The following DUS2 variants were observed in gnomAD, a reference collection of about 807,000 sequenced individuals.
The protein encoded by DUS2 is tRNA-dihydrouridine(20) synthase [NAD(P)+]-like.
DUS2 carries 52 observed loss-of-function variants against 71.3 expected under a neutral mutation model. The observed-to-expected ratio is 0.73, with a 90% CI of 0.58 to 0.92. The LOEUF is 0.92. Ranked by LOEUF, DUS2 falls within the 40% of genes least tolerant of loss-of-function variation. The probability of loss-of-function intolerance (pLI) is 0.00; values close to 1 mark genes in which losing one functional copy is unlikely to be tolerated. For synonymous variants in DUS2, 204 were observed against 227.8 expected, an observed-to-expected ratio of 0.90 and a Z score of 0.94; for missense variants, 558 against 622.6, an observed-to-expected ratio of 0.90 and a Z score of 1.10.
At chr16:68,036,252 C>A (rs2033525851) in intron 2 of DUS2, among the ~76,000 whole-genome samples, 1 of 151,688 alleles carries the variant, frequency 6.6e-6, no homozygotes, top group Non-Finnish European at 1.5e-5. Context: ...TCTTCCGCCT[C>A]CTGGGTTCAA....
chr16:68,077,155 G>A (rs779274926), intron 15 of DUS2, among the ~76,000 whole-genome samples: 1 of 151,796 alleles, frequency 6.6e-6, no homozygotes, highest in Non-Finnish European at 1.5e-5. Flanking sequence ...TTGGGAGGCT[G>A]AGGCAGAGAA....
chr16:68,057,256 A>G (rs993378292), intron 7 of DUS2, among the ~76,000 whole-genome samples: 1 of 145,432 alleles, frequency 6.9e-6, no homozygotes, highest in Non-Finnish European at 1.5e-5. Context: ...ATAGAGAGAG[A>G]GAGAGAAAGA....
intron 8 of DUS2, among the ~76,000 whole-genome samples, chr16:68,062,644 G>A (rs1483371107): frequency 2.0e-5 from 3 of 151,054 alleles, no homozygotes; most frequent in East Asian, 2.0e-4. Flanking sequence ...GCATAAACCC[G>A]GGAGGCAGAG....
intron 4 of DUS2, among the ~76,000 whole-genome samples, chr16:68,052,850 G>C (rs2033797825): frequency 6.6e-6 from 1 of 151,744 alleles, no homozygotes; most frequent in African/African-American, 2.4e-5. Flanking sequence ...GCCATGTTGT[G>C]TAGGCTGGTT....
chr16:68,035,172 A>G (rs1044415520), intron 2 of DUS2, among the ~76,000 whole-genome samples: 2 of 152,030 alleles, frequency 1.3e-5, no homozygotes, highest in African/African-American at 4.8e-5. Context: ...ATCATCTTTC[A>G]TGTTGATTAC....
At chr16:68,057,103 C>A (rs1448094985) in intron 7 of DUS2, among the ~76,000 whole-genome samples, 1 of 131,838 alleles carries the variant, frequency 7.6e-6, no homozygotes. Flanking sequence ...TTATAGATTA[C>A]ATATATTATA....
In DUS2 at chr16:68,078,743, G is replaced by A. The variant is rs2034194743; in HGVS notation, c.1245-6G>A. On this transcript the variant is annotated splice_polypyrimidine_tract_variant and splice_region_variant and intron_variant, in intron 16 of 16. Coordinates refer to ENST00000565263, the MANE Select transcript of DUS2 (RefSeq NM_017803.5). ...CCCCTCACCTTATTGCCCTCTGTCT[G>A]CTCAGGGACAAGTCCAAGAAACTGG... The A allele has an allele frequency of 1.9e-6, 3 of 1,602,742 alleles. No homozygotes were observed. Among genetic ancestry groups the A allele is most frequent in the Non-Finnish European group, 2.6e-6 (3 of 1,172,052 alleles).
At chr16:68,064,784 A>C (rs1224555359) in intron 8 of DUS2, among the ~76,000 whole-genome samples, 1 of 152,226 alleles carries the variant, frequency 6.6e-6, no homozygotes, top group Non-Finnish European at 1.5e-5. Context: ...TGTCTTGCTC[A>C]TGAACTGTCT....
In DUS2 at chr16:68,071,556, C is replaced by T. The variant is rs556042343; in HGVS notation, c.810+448C>T. ...TTGAGAAATTTCTCACCTGATTTGACTCATCAGTCGAAATAATTTCTAAAA... is the reference window on the plus strand; with the variant it reads ...TTGAGAAATTTCTCACCTGATTTGATTCATCAGTCGAAATAATTTCTAAAA... On this transcript the variant is annotated intron_variant, in intron 12 of 16. Transcript: ENST00000565263. Among the ~76,000 whole-genome samples, 6 of 152,230 alleles carry T rather than the reference C, an allele frequency of 3.9e-5. No individual in the cohort carries two copies. In the South Asian group the frequency reaches 1.0e-3, roughly 26 times the overall value.
Position 68,079,127 on chromosome 16 carries a change from T to A in DUS2, c.*141T>A. 1.2e-6 allele frequency: 1 copy of A among 804,252 alleles called. No homozygotes were observed. Among genetic ancestry groups the A allele is most frequent in the Non-Finnish European group, 1.9e-6 (1 of 536,082 alleles). The allele number at this position is 804,252 out of a possible 1,614,324, so 49.8% of individuals were successfully genotyped here. A position where few individuals can be genotyped will look rare whatever the true frequency, so the allele number is the denominator to read the frequency against. On this transcript the variant is annotated 3_prime_UTR_variant, in exon 17 of 17. Transcript: ENST00000565263. ...GATGTCCTGGCAGGGGCCATCAGCCTAGAGCATGGACCAGGGGCCGCCCAG... is the reference window on the plus strand; with the variant it reads ...GATGTCCTGGCAGGGGCCATCAGCCAAGAGCATGGACCAGGGGCCGCCCAG...
intron 3 of DUS2, 72 bp from the exon 4 acceptor site, chr16:68,049,433 G>A (rs1271160648): frequency 3.3e-6 from 5 of 1,499,994 alleles, no homozygotes; most frequent in Non-Finnish European, 4.6e-6. Flanking sequence ...CTCATTAGGT[G>A]TGTGATGAAA....
intron 8 of DUS2, among the ~76,000 whole-genome samples, chr16:68,065,544 T>C (rs565561550): frequency 1.1e-4 from 17 of 152,150 alleles, no homozygotes; most frequent in Middle Eastern, 3.4e-3. Flanking sequence ...AGTGGGAGGA[T>C]GGCTTGAGCT....
At chr16:68,023,832 TTTCC>T (rs1474960234) in intron 1 of DUS2, 1 of 167,030 alleles carries the variant, frequency 6.0e-6, no homozygotes, top group Non-Finnish European at 1.5e-5. Context: ...TCACAGTTAT[TTTCC>T]TTCCTTTTAA....
At chr16:68,049,445 T>C in intron 3 of DUS2, 60 bp from the exon 4 acceptor site, 1 of 1,576,634 alleles carries the variant, frequency 6.3e-7, no homozygotes, top group Non-Finnish European at 8.7e-7. Context: ...GTGATGAAAA[T>C]CCTTCATGCC....
In DUS2 at chr16:68,076,656, C is replaced by T. The variant is rs146283526; in HGVS notation, c.1107C>T (p.Thr369=). The T allele has an allele frequency of 5.1e-4, 826 of 1,614,084 alleles. 11 individuals carry two copies. In the African/African-American group the frequency reaches 9.8e-3, roughly 19 times the overall value. ...FDRRAYPAQI[T]PKMCLLEWCR... ...GGAGAGCATACCCAGCCCAGATCAC[C>T]CCTAAGATGTGCCTACTAGAGTGGT... Residue 369 remains threonine, a synonymous_variant, in exon 15 of 17, where the codon ACC becomes ACT. Coordinates refer to ENST00000565263, the MANE Select transcript of DUS2 (RefSeq NM_017803.5).
chr16:68,029,243 C>T (rs751679964), intron 2 of DUS2, among the ~76,000 whole-genome samples: 64 of 151,408 alleles, frequency 4.2e-4, no homozygotes, highest in Admixed American at 9.2e-4. Context: ...CTCCTCAAAT[C>T]TAACAAATCA....
intron 8 of DUS2, among the ~76,000 whole-genome samples, chr16:68,064,894 G>A (rs185800295): frequency 6.6e-6 from 1 of 152,234 alleles, no homozygotes; most frequent in African/African-American, 2.4e-5. Flanking sequence ...GCTCTCTGCT[G>A]CCCCCGCCTG....
chr16:68,060,782 A>C (rs976396302), intron 7 of DUS2, among the ~76,000 whole-genome samples: 1 of 151,426 alleles, frequency 6.6e-6, no homozygotes, highest in African/African-American at 2.4e-5. Context: ...GGGGAGGTGG[A>C]GGTTGCAGTG....
At chr16:68,076,771 CT>C in intron 15 of DUS2, 52 bp downstream of exon 15, 1 of 1,492,596 alleles carries the variant, frequency 6.7e-7, no homozygotes, top group Non-Finnish European at 9.3e-7. Flanking sequence ...ACTCCCATGG[CT>C]TACACCCTCA....
Sources: allele counts gnomAD v4.1 joint callset (sites outside exome capture counted in the v4.1 genomes callset), GRCh38; gene constraint gnomAD v4.1.1; transcripts MANE v1.5; gene names NCBI Gene and HGNC (gene_info 2026-07-23, HGNC 2026-07-21).